Variants in MGRN1 observed in about 807,000 individuals in gnomAD.
MGRN1 encodes the protein E3 ubiquitin-protein ligase MGRN1.
Under a neutral mutation model 69.2 loss-of-function variants are expected in MGRN1, and 29 were observed. That is an observed-to-expected ratio of 0.42 (90% CI 0.31 to 0.57). MGRN1 has a LOEUF of 0.57. Among genes scored for constraint, MGRN1 ranks in the 20% least tolerant of loss-of-function variants. MGRN1 has a pLI of 0.15. For synonymous variants in MGRN1, 470 were observed against 344.2 expected (o/e 1.37, Z -4.04); for missense variants, 998 against 796.2 (o/e 1.25, Z -3.05).
chr16:4,644,423 G>T (rs1283844517), intron 1 of MGRN1, among the ~76,000 whole-genome samples: 1 of 149,202 alleles, frequency 6.7e-6, no homozygotes, highest in Non-Finnish European at 1.5e-5. Flanking sequence ...CGATTTTCCT[G>T]CCTCAGCCTC....
At chr16:4,686,123 C>T (rs545353728) in intron 16 of MGRN1, 2 of 1,058,110 alleles carry the variant, frequency 1.9e-6, no homozygotes, top group Non-Finnish European at 2.7e-6. Context: ...CCTTGTGGTT[C>T]TCTGTGGTTG....
intron 1 of MGRN1, among the ~76,000 whole-genome samples, chr16:4,637,118 CAAA>C (rs36033548): frequency 8.2e-5 from 4 of 48,504 alleles, no homozygotes; most frequent in African/African-American, 1.6e-4. Flanking sequence ...GACTCCATCT[CAAA>C]AAAAAAAAAA....
chr16:4,664,138 C>T (rs76610502), intron 5 of MGRN1: 5,236 of 159,030 alleles, frequency 0.033, 305 homozygotes, highest in African/African-American at 0.12. Flanking sequence ...CGGTGTCCGT[C>T]GCAAAGGAAC....
At chr16:4,657,791 G>C (rs922893664) in intron 5 of MGRN1, among the ~76,000 whole-genome samples, 7 of 138,660 alleles carry the variant, frequency 5.0e-5, no homozygotes, top group Non-Finnish European at 1.1e-4. Context: ...TGTCGCCCAG[G>C]CTGCAGTGCA....
chr16:4,662,606 T>TAAATG (rs1243387253), intron 5 of MGRN1, among the ~76,000 whole-genome samples: 1 of 152,198 alleles, frequency 6.6e-6, no homozygotes, highest in African/African-American at 2.4e-5. Flanking sequence ...TCGAGAGGAC[T>TAAATG]TCATTTGCGC....
chr16:4,651,400 C>T (rs751617849), intron 2 of MGRN1, among the ~76,000 whole-genome samples: 1 of 152,058 alleles, frequency 6.6e-6, no homozygotes, highest in Non-Finnish European at 1.5e-5. Flanking sequence ...AGAGAAGGGG[C>T]AGAAAGGGAG....
rs62037154 is a variant in MGRN1, at chr16:4,681,785, C to G, written c.1358+9C>G. ...AGCAAGGCCCCCGACAGGTGAGCAG[C>G]AGCCAGGCCAGGTGCATGGCAGGGT... On this transcript the variant is annotated intron_variant, in intron 13 of 16. Coordinates refer to ENST00000262370, the MANE Select transcript of MGRN1 (RefSeq NM_015246.4). 1.2e-6 allele frequency: 2 copies of G among 1,607,396 alleles called. No individual in the cohort carries two copies. Among genetic ancestry groups the G allele is most frequent in the Non-Finnish European group, 1.7e-6 (2 of 1,177,318 alleles).
intron 2 of MGRN1, 164 bp downstream of exon 2, chr16:4,650,647 G>A (rs2078384650): frequency 1.8e-6 from 1 of 557,602 alleles, no homozygotes; most frequent in South Asian, 2.7e-5. Flanking sequence ...CACGTGCCCT[G>A]GAATGGGTTG....
intron 16 of MGRN1, chr16:4,686,637 A>G (rs1480830860): frequency 9.6e-6 from 11 of 1,148,762 alleles, no homozygotes; most frequent in Admixed American, 4.6e-5. Flanking sequence ...CGCCAGAGCC[A>G]CTGTCCACTG....
At chr16:4,657,147 CA>C (rs1304209974) in intron 4 of MGRN1, 98 bp from the exon 5 acceptor site, 12 of 1,142,298 alleles carry the variant, frequency 1.1e-5, no homozygotes, top group Admixed American at 7.5e-5. Flanking sequence ...CCCCAAAAGA[CA>C]GGTGTCTGCG....
intron 1 of MGRN1, chr16:4,650,164 G>A (rs567930609): frequency 4.8e-5 from 23 of 483,094 alleles, no homozygotes; most frequent in South Asian, 2.1e-4. Flanking sequence ...TCAGCTGGGC[G>A]TGGTGGTGGG....
intron 5 of MGRN1, chr16:4,664,134 C>G (rs1003782624): frequency 3.1e-5 from 5 of 158,982 alleles, no homozygotes; most frequent in African/African-American, 1.2e-4. Flanking sequence ...AGCCCGGTGT[C>G]CGTCGCAAAG....
At chr16:4,657,967 C>G (rs983140611) in intron 5 of MGRN1, among the ~76,000 whole-genome samples, 2 of 151,322 alleles carry the variant, frequency 1.3e-5, no homozygotes, top group African/African-American at 4.8e-5. Context: ...TGGTCTTGAT[C>G]TCCTGACCTT....
At chr16:4,664,981 ACT>A in intron 6 of MGRN1, 119 bp from the exon 7 acceptor site, 1 of 1,251,596 alleles carries the variant, frequency 8.0e-7, no homozygotes, top group South Asian at 1.3e-5. Flanking sequence ...CAGGCTCAGG[ACT>A]CTATGGACTC....
At chr16:4,626,390 C>T (rs939373390) in intron 1 of MGRN1, among the ~76,000 whole-genome samples, 1 of 152,168 alleles carries the variant, frequency 6.6e-6, no homozygotes, top group Admixed American at 6.5e-5. Flanking sequence ...TTGCTGTTGT[C>T]CTCTTTCATC....
At chr16:4,665,786 C>T (rs935973411) in intron 7 of MGRN1, among the ~76,000 whole-genome samples, 4 of 151,730 alleles carry the variant, frequency 2.6e-5, no homozygotes, top group Non-Finnish European at 5.9e-5. Context: ...TCTCCTGCCT[C>T]AGCCTCCAAG....
intron 10 of MGRN1, among the ~76,000 whole-genome samples, chr16:4,674,964 C>A (rs892992537): frequency 2.0e-5 from 3 of 151,188 alleles, no homozygotes; most frequent in African/African-American, 7.3e-5. Flanking sequence ...TAATTAATTA[C>A]TTACTTTTAT....
At chr16:4,638,487 C>A (rs555674338) in intron 1 of MGRN1, among the ~76,000 whole-genome samples, 79 of 151,242 alleles carry the variant, frequency 5.2e-4, no homozygotes, top group African/African-American at 1.7e-3. Context: ...AAATAAATAT[C>A]TCAGCCCATG....
At position 4,681,587 on chromosome 16, in the gene MGRN1, C is replaced by T. The variant is rs765108738; in HGVS notation, c.1169C>T (p.Ser390Leu). The change falls in exon 13 of 17, where the codon TCG becomes TTG. Residue 390 changes from serine (S) to leucine (L), a missense_variant. By Grantham distance (145) the Ser-to-Leu change is moderately radical. Coordinates refer to ENST00000262370, the MANE Select transcript of MGRN1 (RefSeq NM_015246.4). ...GTCCCACCTGGCTACGAGCCCATCT[C>T]GCTGCTCGAGGCGCTCAACGGCCTC... is the stretch of plus-strand genomic sequence containing the variant. ...DSVPPGYEPI[S>L]LLEALNGLRA... is the part of the protein sequence containing the mutation. 9.9e-6 allele frequency: 16 copies of T among 1,613,390 alleles called. No homozygotes were observed. In the Admixed American group the frequency reaches 2.0e-4, roughly 20 times the overall value.
Sources: gnomAD v4.1 joint callset for allele counts (sites outside exome capture counted in the v4.1 genomes callset) on GRCh38, gnomAD v4.1.1 for gene constraint, MANE v1.5 for transcripts, NCBI Gene and HGNC (gene_info 2026-07-23, HGNC 2026-07-21) for gene names.